KIRREL3: variants seen among roughly 807,000 people sequenced by gnomAD.
The protein encoded by KIRREL3 is kirre like nephrin family adhesion molecule 3.
In KIRREL3, 36 loss-of-function variants were observed where a neutral mutation model predicts 89.7. That is an observed-to-expected ratio of 0.40 (90% CI 0.31 to 0.53). KIRREL3 has a LOEUF of 0.53. Ranked by LOEUF, KIRREL3 falls within the 20% of genes least tolerant of loss-of-function variation. The pLI, the probability that KIRREL3 is intolerant of heterozygous loss-of-function variation, is 0.49. For synonymous variants in KIRREL3, 445 were observed against 441.4 expected, an observed-to-expected ratio of 1.01 and a Z score of -0.10; for missense variants, 864 against 1,056.6, an observed-to-expected ratio of 0.82 and a Z score of 2.53.
rs1306409893 is a variant in KIRREL3, at chr11:126,520,395, T to C, written c.433+920A>G. On this transcript the variant is annotated intron_variant, in intron 4 of 16. Coordinates refer to ENST00000525144, the MANE Select transcript of KIRREL3 (RefSeq NM_032531.4). The surrounding 1 kb of genome is among the most constrained non-coding windows in gnomAD (Gnocchi z 4.9). The stretch of plus-strand genomic sequence containing the variant: ...GGCCAGGAGCCCATGGGCCAAGCTC[T>C]TTGCATCTGTGGGCCTTAGTATCTC... Among the ~76,000 whole-genome samples the C allele has an allele frequency of 1.3e-5, 2 of 152,172 alleles. No individual in the cohort carries two copies. Among genetic ancestry groups the C allele is most frequent in the Non-Finnish European group, 2.9e-5 (2 of 68,038 alleles).
rs971207134 is a variant in KIRREL3, at chr11:126,867,224, A to C, written c.55+133231T>G. 6.6e-6 allele frequency among the ~76,000 whole-genome samples: 1 copy of C among 151,990 alleles called. No individual in the cohort carries two copies. The highest frequency in any genetic ancestry group is 1.5e-5 in the Non-Finnish European group (1 of 67,990). On this transcript the variant is annotated intron_variant, in intron 1 of 16. Coordinates refer to ENST00000525144, the MANE Select transcript of KIRREL3 (RefSeq NM_032531.4). This position sits in a 1 kb window ranked among gnomAD's most constrained non-coding sequence, Gnocchi z 4.7. ...GCGGGGCATCTATGCAGCGAGCCAC[A>C]CTCCTATCACACAGCCTGCCATGGG... is the stretch of plus-strand genomic sequence containing the variant.
intron 1 of KIRREL3, among the ~76,000 whole-genome samples, chr11:126,679,496 C>G (rs143113477): frequency 6.6e-6 from 1 of 152,140 alleles, no homozygotes; most frequent in Non-Finnish European, 1.5e-5. Context: ...AAGGAGGACA[C>G]GAGTTTTAAG....
In KIRREL3 at chr11:126,620,757, C is replaced by T. The variant is rs1488102630; in HGVS notation, c.56-57845G>A. ...TCTCTTCTTCCTGCCTCATACCCCACTTTAAATTCCTTCTTTAGCTTCTAA... is the reference window on the plus strand; with the variant it reads ...TCTCTTCTTCCTGCCTCATACCCCATTTTAAATTCCTTCTTTAGCTTCTAA... On this transcript the variant is annotated intron_variant, in intron 1 of 16. Transcript: ENST00000525144. This position sits in a 1 kb window ranked among gnomAD's most constrained non-coding sequence, Gnocchi z 4.8. Among the ~76,000 whole-genome samples, 1 of 152,218 alleles carries T rather than the reference C, an allele frequency of 6.6e-6. No individual in the cohort carries two copies. Among genetic ancestry groups the T allele is most frequent in the Non-Finnish European group, 1.5e-5 (1 of 68,048 alleles).
At chr11:126,464,516 G>A (rs1956655591) in intron 5 of KIRREL3, among the ~76,000 whole-genome samples, 2 of 151,116 alleles carry the variant, frequency 1.3e-5, no homozygotes, top group Non-Finnish European at 2.9e-5. Flanking sequence ...GGGCCACAGA[G>A]TGAGACCCTG....
Position 126,977,453 on chromosome 11 carries a change from G to A in KIRREL3, c.55+23002C>T, listed in dbSNP as rs1949610512. On this transcript the variant is annotated intron_variant, in intron 1 of 16. Coordinates refer to ENST00000525144, the MANE Select transcript of KIRREL3 (RefSeq NM_032531.4). This position sits in a 1 kb window ranked among gnomAD's most constrained non-coding sequence, Gnocchi z 4.7. ...ATGCTCCTGATCCTCCAGGATCAGGGTCTGGCCATGCCCAGTGTCCTGTTT... is the reference window on the plus strand; with the variant it reads ...ATGCTCCTGATCCTCCAGGATCAGGATCTGGCCATGCCCAGTGTCCTGTTT... Among the ~76,000 whole-genome samples, 1 of 152,114 alleles carries A rather than the reference G, an allele frequency of 6.6e-6. No individual in the cohort carries two copies. The highest frequency in any genetic ancestry group is 6.5e-5 in the Admixed American group (1 of 15,276).
At chr11:126,827,899 G>A (rs1373054763) in intron 1 of KIRREL3, among the ~76,000 whole-genome samples, 5 of 152,116 alleles carry the variant, frequency 3.3e-5, no homozygotes, top group East Asian at 1.9e-4. Flanking sequence ...ATAATGTTCC[G>A]ATAAATGACA....
intron 1 of KIRREL3, chr11:126,935,770 T>C (rs1171463436): frequency 2.0e-5 from 3 of 152,184 alleles, no homozygotes; most frequent in Non-Finnish European, 2.9e-5. Context: ...TTTAGGGCAG[T>C]GAATCTATCC....
chr11:126,642,989 T>TCCATCCATCCAA lies in KIRREL3; in HGVS notation c.56-80078_56-80077insTTGGATGGATGG, dbSNP rs1432441424. On this transcript the variant is annotated intron_variant, in intron 1 of 16. Transcript: ENST00000525144. The surrounding 1 kb of genome is among the most constrained non-coding windows in gnomAD (Gnocchi z 4.9). ...CTTTGGCCTCCCTTCTTCCCTCCCA[T>TCCATCCATCCAA]CCATCCATCCATCCATCCATCCATC... is the stretch of plus-strand genomic sequence containing the variant. Among the ~76,000 whole-genome samples, 3 of 146,110 alleles carry TCCATCCATCCAA rather than the reference T, an allele frequency of 2.1e-5. No homozygotes were observed. Among genetic ancestry groups the TCCATCCATCCAA allele is most frequent in the African/African-American group, 7.4e-5 (3 of 40,500 alleles).
rs143773579 is a variant in KIRREL3, at chr11:126,696,877, C to T, written c.56-133965G>A. 6.6e-4 allele frequency among the ~76,000 whole-genome samples: 101 copies of T among 152,278 alleles called. No homozygotes were observed. Among genetic ancestry groups the T allele is most frequent in the Middle Eastern group, 6.8e-3 (2 of 292 alleles). ...AGACACTACTGTACCACTTGCTTTC[C>T]GGGCAGATTATCTTCCCTTTCTGAG... is the stretch of plus-strand genomic sequence containing the variant. On this transcript the variant is annotated intron_variant, in intron 1 of 16. Transcript: ENST00000525144. This position sits in a 1 kb window ranked among gnomAD's most constrained non-coding sequence, Gnocchi z 4.4.
At chr11:126,888,648 C>T (rs1273086791) in intron 1 of KIRREL3, among the ~76,000 whole-genome samples, 2 of 152,092 alleles carry the variant, frequency 1.3e-5, no homozygotes, top group Admixed American at 6.6e-5. Context: ...TCCATGGTTC[C>T]CAATCAGAAG....
At chr11:126,442,114 T>C (rs1955588587) in intron 10 of KIRREL3, among the ~76,000 whole-genome samples, 1 of 151,356 alleles carries the variant, frequency 6.6e-6, no homozygotes, top group African/African-American at 2.4e-5. Flanking sequence ...GTACTAAAAA[T>C]ACAAAAATTT....
Position 126,788,347 on chromosome 11 carries a change from G to T in KIRREL3, c.55+212108C>A, listed in dbSNP as rs1392248331. Among the ~76,000 whole-genome samples the T allele has an allele frequency of 6.6e-6, 1 of 152,136 alleles. No individual in the cohort carries two copies. The highest frequency in any genetic ancestry group is 1.5e-5 in the Non-Finnish European group (1 of 68,050). On this transcript the variant is annotated intron_variant, in intron 1 of 16. Coordinates refer to ENST00000525144, the MANE Select transcript of KIRREL3 (RefSeq NM_032531.4). The surrounding 1 kb of genome is among the most constrained non-coding windows in gnomAD (Gnocchi z 4.1). ...TTTTCCCACTGTGCTACTCAGACAG[G>T]GTATGCAAGTTGCATTTGACATTTC... is the stretch of plus-strand genomic sequence containing the variant.
chr11:126,756,262 C>T (rs1467088811), intron 1 of KIRREL3, among the ~76,000 whole-genome samples: 4 of 152,206 alleles, frequency 2.6e-5, no homozygotes, highest in East Asian at 3.8e-4. Context: ...CCAACACTGC[C>T]GTGAGAATTG....
Position 126,876,871 on chromosome 11 carries a change from T to A in KIRREL3, c.55+123584A>T, listed in dbSNP as rs2134693098. ...TTTAATGAATACAAAAAGAATGTCT[T>A]CTTTATGGAGCCAAAATTTTCACAA... On this transcript the variant is annotated intron_variant, in intron 1 of 16. Transcript: ENST00000525144. The surrounding 1 kb of genome is among the most constrained non-coding windows in gnomAD (Gnocchi z 4.1). 6.6e-6 allele frequency among the ~76,000 whole-genome samples: 1 copy of A among 152,320 alleles called. No individual in the cohort carries two copies. Among genetic ancestry groups the A allele is most frequent in the African/African-American group, 2.4e-5 (1 of 41,572 alleles).
chr11:126,781,041 GC>G (rs1038906988), intron 1 of KIRREL3, among the ~76,000 whole-genome samples: 64 of 152,320 alleles, frequency 4.2e-4, no homozygotes, highest in African/African-American at 1.5e-3. Context: ...GGACCAGGAA[GC>G]AATTTTAACT....
upstream of KIRREL3, among the ~76,000 whole-genome samples, chr11:127,002,165 A>C (rs1274761265): frequency 6.6e-6 from 1 of 152,250 alleles, no homozygotes; most frequent in East Asian, 1.9e-4. Context: ...AGAAAGAAGC[A>C]GGGGCATATA....
At chr11:126,798,911 C>T (rs1023599955) in intron 1 of KIRREL3, among the ~76,000 whole-genome samples, 6 of 152,180 alleles carry the variant, frequency 3.9e-5, no homozygotes, top group South Asian at 2.1e-4. Flanking sequence ...ATCTGCAAAA[C>T]GAAGAGTACA....
chr11:126,799,593 T>C (rs1950967408), intron 1 of KIRREL3, among the ~76,000 whole-genome samples: 1 of 126,020 alleles, frequency 7.9e-6, no homozygotes, highest in Admixed American at 8.4e-5. Context: ...CTTGAGCCCG[T>C]GTGGAACTCA....
rs745433731 is a variant in KIRREL3 at position 126,709,597 on chromosome 11, T to C, written c.56-146685A>G. On this transcript the variant is annotated intron_variant, in intron 1 of 16. Transcript: ENST00000525144. This position sits in a 1 kb window ranked among gnomAD's most constrained non-coding sequence, Gnocchi z 4.0. ...CATTAGGGTGCGTCCTAATCCTGCA[T>C]GACTGGTGTCCTTATAAAAAGAGAA... Among the ~76,000 whole-genome samples, 1 of 152,296 alleles carries C rather than the reference T, an allele frequency of 6.6e-6. No individual in the cohort carries two copies. The highest frequency in any genetic ancestry group is 1.9e-4 in the East Asian group (1 of 5,182).
Sources: allele counts gnomAD v4.1 joint callset (sites outside exome capture counted in the v4.1 genomes callset), GRCh38; gene constraint gnomAD v4.1.1; non-coding constraint Gnocchi (gnomAD v3.1); transcripts MANE v1.5; gene names NCBI Gene and HGNC (gene_info 2026-07-23, HGNC 2026-07-21).